Variants in CDK12 observed in about 807,000 individuals in gnomAD.
CDK12 encodes cyclin-dependent kinase 12.
A neutral mutation model predicts 133.8 loss-of-function variants in CDK12; 17 were observed. The observed-to-expected ratio is 0.13, with a 90% CI of 0.09 to 0.19. The LOEUF (loss-of-function observed/expected upper bound fraction) is 0.19. CDK12 is among the 10% of genes least tolerant of loss of function. CDK12 has a pLI of 1.00. For missense variants in CDK12, 1,508 were observed against 1,818.7 expected (o/e 0.83, Z 3.11); for synonymous variants, 694 against 683.6 (o/e 1.02, Z -0.24).
Position 39,475,767 on chromosome 17 carries a change from G to T in CDK12, c.1931+4004G>T, listed in dbSNP as rs548616779. Among the ~76,000 whole-genome samples the T allele has an allele frequency of 2.0e-5, 3 of 151,780 alleles. No individual in the cohort carries two copies. The East Asian group carries it at 5.9e-4, about 30-fold the overall frequency. On this transcript the variant is annotated intron_variant, in intron 2 of 13. Transcript: ENST00000447079. ...TCACCATGTTGGCCAGGCTGGTCTCGAACTCCTGACCTCGTGATTCGCCCA... is the reference window on the plus strand; with the variant it reads ...TCACCATGTTGGCCAGGCTGGTCTCTAACTCCTGACCTCGTGATTCGCCCA...
chr17:39,482,416 A>G (rs1453049026), intron 2 of CDK12, among the ~76,000 whole-genome samples: 1 of 151,968 alleles, frequency 6.6e-6, no homozygotes, highest in Non-Finnish European at 1.5e-5. Context: ...GTAAACTCCA[A>G]ATGAACCAGG....
chr17:39,531,245 T>C lies in CDK12; in HGVS notation c.4402T>C (p.Tyr1468His), dbSNP rs587778180. Residue 1468 changes from tyrosine (Y) to histidine (H), a missense_variant, in exon 14 of 14, where the codon TAT becomes CAT. Coordinates refer to ENST00000447079, the MANE Select transcript of CDK12 (RefSeq NM_016507.4). The stretch of plus-strand genomic sequence containing the variant: ...GGGGGGCCCAACTCAGTCTTCTGCT[T>C]ATGGAAAACTCTATCGGGGGCCTAC... ...HWGGPTQSSA[Y>H]GKLYRGPTRV... 13 of 1,512,160 alleles carry C rather than the reference T, an allele frequency of 8.6e-6. No individual in the cohort carries two copies. In the East Asian group the frequency reaches 1.8e-4, roughly 21 times the overall value. 93.7% of individuals were successfully genotyped at this position (1,512,160 alleles called of 1,614,324 possible).
At position 39,530,888 on chromosome 17, in the gene CDK12, A is replaced by C; in HGVS notation, c.4045A>C (p.Ser1349Arg). Reference sequence around the variant, plus strand: ...CACTGATGGGCCTGAAACAGGGTTCAGTGCCATTGACACTGATGAACGAAA... The same window carrying C: ...CACTGATGGGCCTGAAACAGGGTTCCGTGCCATTGACACTGATGAACGAAA... ...GNTDGPETGF[S>R]AIDTDERNSG... The change falls in exon 14 of 14, where the codon AGT becomes CGT. Residue 1349 changes from serine (S) to arginine (R), a missense_variant. Around this residue, in one of 9 missense-constraint regions of CDK12, gnomAD observed 399 missense variants for 469.6 expected, o/e 0.85. Transcript: ENST00000447079. 1 of 1,614,220 alleles carries C rather than the reference A, an allele frequency of 6.2e-7. No individual in the cohort carries two copies.
chr17:39,510,355 G>A (rs2053421452), intron 7 of CDK12, among the ~76,000 whole-genome samples: 1 of 151,780 alleles, frequency 6.6e-6, no homozygotes, highest in East Asian at 1.9e-4. Context: ...TCCTGACCTC[G>A]TGATTCATCT....
chr17:39,464,630 A>G (rs1380791123), intron 1 of CDK12, among the ~76,000 whole-genome samples: 1 of 151,970 alleles, frequency 6.6e-6, no homozygotes, highest in East Asian at 1.9e-4. Flanking sequence ...CTAGCTGTCA[A>G]GGGCTGGAGT....
intron 3 of CDK12, among the ~76,000 whole-genome samples, chr17:39,563,459 TCCCGCCCCCCC>T (rs1468529892): frequency 9.3e-5 from 2 of 21,394 alleles, no homozygotes; most frequent in Non-Finnish European, 2.4e-4. Flanking sequence ...TTCTCTTGCT[TCCCGCCCCCCC>T]CCCGCCCCCA....
At chr17:39,476,558 C>T (rs1163438770) in intron 2 of CDK12, among the ~76,000 whole-genome samples, 1 of 151,224 alleles carries the variant, frequency 6.6e-6, no homozygotes, top group African/African-American at 2.4e-5. Context: ...GGATTGCAGG[C>T]ACCTGCCACC....
At chr17:39,483,351 A>C (rs1597992886) in intron 2 of CDK12, among the ~76,000 whole-genome samples, 1 of 151,142 alleles carries the variant, frequency 6.6e-6, no homozygotes, top group South Asian at 2.1e-4. Flanking sequence ...AGTATCCTCT[A>C]CCTGCTAGGC....
At chr17:39,510,336 G>T (rs905674070) in intron 7 of CDK12, among the ~76,000 whole-genome samples, 2 of 151,848 alleles carry the variant, frequency 1.3e-5, no homozygotes, top group African/African-American at 2.4e-5. Flanking sequence ...GGCCAGGCTG[G>T]TCTCAAACTC....
chr17:39,515,893 A>G (rs1434833020), intron 9 of CDK12, 85 bp downstream of exon 9: 3 of 851,704 alleles, frequency 3.5e-6, no homozygotes, highest in East Asian at 5.1e-5. Flanking sequence ...GTCATTCTGA[A>G]TGAGTTTATG....
At chr17:39,478,744 G>C (rs879335111) in intron 2 of CDK12, among the ~76,000 whole-genome samples, 1 of 152,134 alleles carries the variant, frequency 6.6e-6, no homozygotes, top group Non-Finnish European at 1.5e-5. Flanking sequence ...ATGATTACTG[G>C]AGCCTGGAAG....
At position 39,470,550 on chromosome 17, in the gene CDK12, C is replaced by G. The variant is rs187713405; in HGVS notation, c.1047-329C>G. ...AGTTTCTCCTATTGTTAACATCTTA[C>G]ATTAATGTGGTACAGTTGTTACAGT... On this transcript the variant is annotated intron_variant, in intron 1 of 13. Transcript: ENST00000447079. Among the ~76,000 whole-genome samples the G allele has an allele frequency of 2.6e-5, 4 of 152,262 alleles. No individual in the cohort carries two copies. In the East Asian group the frequency reaches 5.8e-4, roughly 22 times the overall value.
chr17:39,559,994 G>A (rs1334806499), intron 3 of CDK12, among the ~76,000 whole-genome samples: 1 of 152,016 alleles, frequency 6.6e-6, no homozygotes, highest in Non-Finnish European at 1.5e-5. Context: ...ATGGGGCCTT[G>A]CTATGTTGCC....
Position 39,525,866 on chromosome 17 carries a change from C to T in CDK12, c.3310C>T (p.Leu1104Phe). Residue 1104 changes from leucine to phenylalanine, a missense_variant and splice_region_variant, in exon 13 of 14, where the codon CTT becomes TTT. Physicochemically the swap from Leu to Phe is conservative, Grantham distance 22. Transcript: ENST00000447079. ...VESGAGDAIGLADITQQLNQS... is the reference protein window; with the variant it reads ...VESGAGDAIGFADITQQLNQS... Reference sequence around the variant, plus strand: ...TTGGCTTCACTGTCTTTCAACAGGCCTTGCTGACATCACACAACAGCTGAA... The same window carrying T: ...TTGGCTTCACTGTCTTTCAACAGGCTTTGCTGACATCACACAACAGCTGAA... 1 of 1,612,808 alleles carries T rather than the reference C, an allele frequency of 6.2e-7. No homozygotes were observed. The highest frequency in any genetic ancestry group is 8.5e-7 in the Non-Finnish European group (1 of 1,179,100).
intron 10 of CDK12, among the ~76,000 whole-genome samples, 155 bp downstream of exon 10, chr17:39,517,711 T>C (rs1316882573): frequency 6.6e-6 from 1 of 152,256 alleles, no homozygotes; most frequent in Non-Finnish European, 1.5e-5. Flanking sequence ...AGTTTTATCA[T>C]AGCCCTTTTG....
In CDK12 at chr17:39,494,665, A is replaced by C; in HGVS notation, c.2390A>C (p.Gln797Pro). The C allele has an allele frequency of 1.9e-6, 3 of 1,585,084 alleles. No individual in the cohort carries two copies. The highest frequency in any genetic ancestry group is 2.6e-6 in the Non-Finnish European group (3 of 1,165,210). ...ATGAAGGAAATTGTCACAGATAAAC[A>C]AGATGCACTGGATTTCAAGAAGGAC... is the stretch of plus-strand genomic sequence containing the variant. Reference protein sequence around the residue: ...VNMKEIVTDKQDALDFKKDKG... With the variant: ...VNMKEIVTDKPDALDFKKDKG... The change falls in exon 5 of 14, where the codon CAA becomes CCA. Residue 797 changes from glutamine (Q) to proline (P), a missense_variant. This residue lies in a region of CDK12 where 74 missense variants were observed against 160.2 expected (regional missense o/e 0.46). Coordinates refer to ENST00000447079, the MANE Select transcript of CDK12 (RefSeq NM_016507.4).
upstream of CDK12, among the ~76,000 whole-genome samples, chr17:39,545,788 T>C (rs1056932754): frequency 6.8e-6 from 1 of 148,048 alleles, no homozygotes; most frequent in Admixed American, 6.8e-5. Context: ...GATTTTTTTT[T>C]CCTTCCTTCC....
intron 1 of CDK12, among the ~76,000 whole-genome samples, chr17:39,467,119 C>T (rs1361050064): frequency 2.0e-5 from 3 of 152,034 alleles, no homozygotes; most frequent in African/African-American, 7.2e-5. Context: ...GCTGGGACTA[C>T]AGGCGCGCGT....
At chr17:39,478,779 C>T (rs973672776) in intron 2 of CDK12, among the ~76,000 whole-genome samples, 8 of 152,054 alleles carry the variant, frequency 5.3e-5, no homozygotes, top group Non-Finnish European at 1.0e-4. Context: ...GAGCCATGAT[C>T]GCACCACTGC....
Sources: gnomAD v4.1 joint callset for allele counts (sites outside exome capture counted in the v4.1 genomes callset) on GRCh38, gnomAD v4.1.1 for gene constraint, gnomAD v4.1.1 regional missense constraint, MANE v1.5 for transcripts, NCBI Gene and HGNC (gene_info 2026-07-23, HGNC 2026-07-21) for gene names.